The following SLC44A5 variants were observed in gnomAD, a reference collection of about 807,000 sequenced individuals.
SLC44A5 encodes solute carrier family 44 member 5.
A neutral mutation model predicts 101.8 loss-of-function variants in SLC44A5; 57 were observed. The observed-to-expected ratio is 0.56, with a 90% CI of 0.45 to 0.70. The LOEUF is 0.70. Ranked by LOEUF, SLC44A5 falls within the 30% of genes least tolerant of loss-of-function variation. The probability of loss-of-function intolerance (pLI) is 0.00; values close to 1 mark genes in which losing one functional copy is unlikely to be tolerated. For synonymous variants in SLC44A5, 281 were observed against 290.9 expected (o/e 0.97, Z 0.35); for missense variants, 737 against 853.1 (o/e 0.86, Z 1.70).
intron 4 of SLC44A5, among the ~76,000 whole-genome samples, chr1:75,315,982 C>T (rs1467401026): frequency 6.6e-6 from 1 of 152,202 alleles, no homozygotes; most frequent in African/African-American, 2.4e-5. Flanking sequence ...GAAGCCTCAT[C>T]ATCTCTTATA....
At chr1:75,688,238 C>A in the SLC44A5 span, among the ~76,000 whole-genome samples, 1 of 152,192 alleles carries the variant, frequency 6.6e-6, no homozygotes, top group Non-Finnish European at 1.5e-5. Flanking sequence ...TAACTTTTCC[C>A]AGGAAGAGTC....
intron 4 of SLC44A5, among the ~76,000 whole-genome samples, chr1:75,308,537 A>T (rs1655071005): frequency 6.6e-6 from 1 of 152,206 alleles, no homozygotes; most frequent in African/African-American, 2.4e-5. Flanking sequence ...ATCTGTCAGT[A>T]GGTGGAAACC....
chr1:75,302,830 G>A (rs915864980), intron 4 of SLC44A5, among the ~76,000 whole-genome samples: 1 of 152,140 alleles, frequency 6.6e-6, no homozygotes, highest in African/African-American at 2.4e-5. Flanking sequence ...CAGGTTAGGT[G>A]GCCTGGATAA....
the SLC44A5 span, among the ~76,000 whole-genome samples, chr1:75,626,557 G>A: frequency 6.6e-6 from 1 of 152,016 alleles, no homozygotes; most frequent in Admixed American, 6.6e-5. Context: ...AAGAAAATAA[G>A]CCAAATATAT....
intron 4 of SLC44A5, among the ~76,000 whole-genome samples, chr1:75,308,164 G>T (rs1404390441): frequency 6.6e-6 from 1 of 152,118 alleles, no homozygotes; most frequent in African/African-American, 2.4e-5. Context: ...TGAAAAAACA[G>T]TATAATATTG....
chr1:75,261,928 C>T (rs1052118274), intron 6 of SLC44A5, among the ~76,000 whole-genome samples: 7 of 151,974 alleles, frequency 4.6e-5, no homozygotes, highest in African/African-American at 1.5e-4. Context: ...AAAAGGCCTT[C>T]GACAAAATTC....
intron 4 of SLC44A5, among the ~76,000 whole-genome samples, chr1:75,336,190 C>T (rs1316061658): frequency 6.6e-6 from 1 of 152,048 alleles, no homozygotes; most frequent in South Asian, 2.1e-4. Flanking sequence ...GAGTCTTTCT[C>T]TGTCACCCAG....
chr1:75,676,393 T>C, the SLC44A5 span, among the ~76,000 whole-genome samples: 1 of 152,172 alleles, frequency 6.6e-6, no homozygotes, highest in African/African-American at 2.4e-5. Flanking sequence ...CAAGATCATG[T>C]CCTTTGCAGT....
At chr1:75,279,313 G>A (rs1652193654) in intron 5 of SLC44A5, among the ~76,000 whole-genome samples, 1 of 151,932 alleles carries the variant, frequency 6.6e-6, no homozygotes, top group Admixed American at 6.6e-5. Context: ...TCAAATATGT[G>A]AAAACAAGTT....
the SLC44A5 span, among the ~76,000 whole-genome samples, chr1:75,623,486 T>G: frequency 6.6e-6 from 1 of 152,112 alleles, no homozygotes; most frequent in Admixed American, 6.6e-5. Flanking sequence ...CTCACACTTC[T>G]TCAACTACAT....
the SLC44A5 span, among the ~76,000 whole-genome samples, chr1:75,647,690 C>A: frequency 6.6e-6 from 1 of 152,178 alleles, no homozygotes; most frequent in Non-Finnish European, 1.5e-5. Context: ...CAAAGGAGAT[C>A]ATTTTGGAGC....
chr1:75,435,487 C>A (rs562219570), intron 2 of SLC44A5, among the ~76,000 whole-genome samples: 2 of 152,108 alleles, frequency 1.3e-5, no homozygotes, highest in African/African-American at 4.8e-5. Context: ...TCTCTGATTC[C>A]AGATTTTTAT....
intron 1 of SLC44A5, among the ~76,000 whole-genome samples, chr1:75,601,374 G>A (rs1267105591): frequency 4.6e-5 from 7 of 151,068 alleles, no homozygotes; most frequent in Admixed American, 2.0e-4. Context: ...GGGGCTTGTC[G>A]GGGGCTGGGG....
At chr1:75,455,721 A>G (rs1329992162) in intron 2 of SLC44A5, among the ~76,000 whole-genome samples, 1 of 152,132 alleles carries the variant, frequency 6.6e-6, no homozygotes, top group Non-Finnish European at 1.5e-5. Context: ...ACTTCTCAAA[A>G]TAAGACATAC....
chr1:75,337,400 C>A (rs945815155), intron 4 of SLC44A5, among the ~76,000 whole-genome samples: 2 of 152,170 alleles, frequency 1.3e-5, no homozygotes, highest in African/African-American at 4.8e-5. Flanking sequence ...AATTCTCCAT[C>A]AAATAAAATT....
chr1:75,558,018 G>C (rs1477003730), intron 1 of SLC44A5, among the ~76,000 whole-genome samples: 1 of 152,014 alleles, frequency 6.6e-6, no homozygotes, highest in East Asian at 1.9e-4. Flanking sequence ...ACATTGTACT[G>C]GGTTCAGAAA....
the SLC44A5 span, among the ~76,000 whole-genome samples, chr1:75,690,068 A>G: frequency 2.6e-5 from 4 of 152,132 alleles, no homozygotes; most frequent in African/African-American, 9.7e-5. Context: ...CTCCTCCCTC[A>G]TCAACACTTA....
chr1:75,227,707 C>T lies in SLC44A5; in HGVS notation c.985+19G>A. On this transcript the variant is annotated intron_variant, in intron 13 of 23. Coordinates refer to ENST00000370859, the MANE Select transcript of SLC44A5 (RefSeq NM_001130058.2). ...CTCATTATTACAATTTTAATGAAAC[C>T]AGTTTTTAAAATACTCACTAAATGT... 6.5e-7 allele frequency: 1 copy of T among 1,530,924 alleles called. No homozygotes were observed. Among genetic ancestry groups the T allele is most frequent in the Non-Finnish European group, 8.7e-7 (1 of 1,148,272 alleles). The allele number at this position is 1,530,924 out of a possible 1,614,324, so 94.8% of individuals were successfully genotyped here.
chr1:75,340,755 C>G (rs1657816166), intron 3 of SLC44A5, among the ~76,000 whole-genome samples: 1 of 152,132 alleles, frequency 6.6e-6, no homozygotes, highest in Non-Finnish European at 1.5e-5. Flanking sequence ...TTCTCAATCC[C>G]AGGAATTTAG....
Sources: allele counts gnomAD v4.1 joint callset (sites outside exome capture counted in the v4.1 genomes callset), GRCh38; gene constraint gnomAD v4.1.1; transcripts MANE v1.5; gene names NCBI Gene and HGNC (gene_info 2026-07-23, HGNC 2026-07-21).